The following RPH3AL variants were observed in gnomAD, a reference collection of about 807,000 sequenced individuals.
The protein encoded by RPH3AL is rabphilin 3A like (without C2 domains), also known as rab effector Noc2.
RPH3AL carries 38 observed loss-of-function variants against 43.1 expected under a neutral mutation model. That is an observed-to-expected ratio of 0.88 (90% CI 0.68 to 1.15). RPH3AL has a LOEUF of 1.15. Among genes scored for constraint, RPH3AL ranks in the 50% most tolerant of loss-of-function variants. The probability of loss-of-function intolerance (pLI) is 0.00; values close to 1 mark genes in which losing one functional copy is unlikely to be tolerated. For missense variants in RPH3AL, 462 were observed against 423.2 expected, an observed-to-expected ratio of 1.09 and a Z score of -0.81; for synonymous variants, 189 against 176.3, an observed-to-expected ratio of 1.07 and a Z score of -0.57.
chr17:313,437 C>T (rs1369381784), intron 5 of RPH3AL, among the ~76,000 whole-genome samples: 1 of 152,214 alleles, frequency 6.6e-6, no homozygotes, highest in Non-Finnish European at 1.5e-5. Context: ...GCCCCTTGAA[C>T]ATGCCCAGCT....
chr17:316,896 C>G (rs1403959929), intron 5 of RPH3AL, among the ~76,000 whole-genome samples: 1 of 149,538 alleles, frequency 6.7e-6, no homozygotes, highest in East Asian at 2.0e-4. Context: ...ACCTGTAGTC[C>G]CTGTGCTCCA....
intron 5 of RPH3AL, among the ~76,000 whole-genome samples, chr17:303,206 AC>A (rs2043374090): frequency 6.6e-6 from 1 of 152,146 alleles, no homozygotes; most frequent in South Asian, 2.1e-4. Flanking sequence ...AGCCTGGGCA[AC>A]ATAACAAGGC....
At chr17:279,081 A>G (rs2042722818) in intron 6 of RPH3AL, among the ~76,000 whole-genome samples, 1 of 152,226 alleles carries the variant, frequency 6.6e-6, no homozygotes, top group East Asian at 1.9e-4. Flanking sequence ...GCGGGGAGAC[A>G]TAACTCCAAA....
intron 5 of RPH3AL, among the ~76,000 whole-genome samples, chr17:292,973 G>C (rs1050029196): frequency 2.0e-5 from 3 of 152,190 alleles, no homozygotes; most frequent in African/African-American, 7.2e-5. Context: ...ATTTCAGGAG[G>C]AAGGCAAGTC....
chr17:311,732 G>T (rs990194537), intron 5 of RPH3AL, among the ~76,000 whole-genome samples: 36 of 152,196 alleles, frequency 2.4e-4, no homozygotes, highest in Non-Finnish European at 3.5e-4. Flanking sequence ...GCCGGCTCAG[G>T]ACATCCAGTG....
At chr17:272,516 A>G (rs1381777537) in intron 6 of RPH3AL, among the ~76,000 whole-genome samples, 1 of 148,762 alleles carries the variant, frequency 6.7e-6, no homozygotes, top group African/African-American at 2.5e-5. Flanking sequence ...CAGAAAACCA[A>G]ACACCGCATG....
intron 5 of RPH3AL, among the ~76,000 whole-genome samples, chr17:284,300 T>C: frequency 6.6e-6 from 1 of 152,096 alleles, no homozygotes; most frequent in East Asian, 1.9e-4. Flanking sequence ...CTGCCCGAGG[T>C]CACACAGCTC....
intron 1 of RPH3AL, among the ~76,000 whole-genome samples, chr17:336,893 G>A (rs2044971964): frequency 6.6e-6 from 1 of 152,056 alleles, no homozygotes; most frequent in South Asian, 2.1e-4. Flanking sequence ...ACCTGGGGGT[G>A]GCCCAGCACC....
intron 5 of RPH3AL, among the ~76,000 whole-genome samples, chr17:302,298 C>T (rs762627710): frequency 3.9e-5 from 6 of 152,330 alleles, no homozygotes; most frequent in Middle Eastern, 3.4e-3. Flanking sequence ...TCTGAGGTCA[C>T]GCAGGAGGTT....
intron 6 of RPH3AL, among the ~76,000 whole-genome samples, chr17:258,361 C>G (rs1046797112): frequency 1.3e-5 from 2 of 152,184 alleles, no homozygotes; most frequent in Non-Finnish European, 2.9e-5. Context: ...TGCAACGTGT[C>G]TCAACCTACA....
chr17:303,119 G>A lies in RPH3AL; in HGVS notation c.351+16301C>T, dbSNP rs149136157. ...TAAGAACTAACAACGTAACTGTATC[G>A]TTAAGGTTGGCGGCTCATGCCTGCA... On this transcript the variant is annotated intron_variant, in intron 5 of 9. Coordinates refer to ENST00000331302, the MANE Select transcript of RPH3AL (RefSeq NM_006987.4). Among the ~76,000 whole-genome samples the A allele has an allele frequency of 7.7e-4, 118 of 152,338 alleles. 1 individual carries two copies. Among genetic ancestry groups the A allele is most frequent in the African/African-American group, 2.5e-3 (105 of 41,586 alleles).
In RPH3AL at chr17:345,899, G is replaced by T. The variant is rs2045230360; in HGVS notation, c.-213+6813C>A. On this transcript the variant is annotated intron_variant, in intron 1 of 9. Coordinates refer to ENST00000331302, the MANE Select transcript of RPH3AL (RefSeq NM_006987.4). Reference sequence around the variant, plus strand: ...TGCACACACACCCCGACTTTGCACTGTAAGGACAAATGGGATGCCAGTGGG... The same window carrying T: ...TGCACACACACCCCGACTTTGCACTTTAAGGACAAATGGGATGCCAGTGGG... Among the ~76,000 whole-genome samples, 2 of 135,344 alleles carry T rather than the reference G, an allele frequency of 1.5e-5. 1 individual carries two copies. Among genetic ancestry groups the T allele is most frequent in the African/African-American group, 5.1e-5 (2 of 39,512 alleles). The allele number at this position is 135,344 out of a possible 152,430, so 88.8% of individuals were successfully genotyped here. A position where few individuals can be genotyped will look rare whatever the true frequency, so the allele number is the denominator to read the frequency against.
At chr17:312,651 T>G (rs1443616514) in intron 5 of RPH3AL, among the ~76,000 whole-genome samples, 4 of 152,230 alleles carry the variant, frequency 2.6e-5, no homozygotes, top group Non-Finnish European at 5.9e-5. Context: ...AGGCATCCTT[T>G]ACTGCACGCT....
At chr17:237,746 A>G (rs2041432997) in intron 7 of RPH3AL, among the ~76,000 whole-genome samples, 1 of 152,216 alleles carries the variant, frequency 6.6e-6, no homozygotes, top group Non-Finnish European at 1.5e-5. Context: ...TCCACATGGT[A>G]AAACTTCATG....
At chr17:286,663 G>A (rs2042920704) in intron 5 of RPH3AL, among the ~76,000 whole-genome samples, 2 of 152,168 alleles carry the variant, frequency 1.3e-5, no homozygotes, top group African/African-American at 4.8e-5. Context: ...ACATCACCTT[G>A]GTGCAAACAC....
At chr17:347,182 CG>C (rs1186530567) in intron 1 of RPH3AL, among the ~76,000 whole-genome samples, 2 of 90,040 alleles carry the variant, frequency 2.2e-5, no homozygotes, top group Non-Finnish European at 5.7e-5. Context: ...GGCGTGAACC[CG>C]GGAGGCAGAG....
chr17:302,666 C>T (rs748124780), intron 5 of RPH3AL, among the ~76,000 whole-genome samples: 106 of 152,200 alleles, frequency 7.0e-4, no homozygotes, highest in Non-Finnish European at 1.3e-3. Flanking sequence ...CCACACTCAC[C>T]CCAGGCCTGC....
At chr17:307,307 TCCTCCCCACGGC>T (rs2043522480) in intron 5 of RPH3AL, among the ~76,000 whole-genome samples, 20 of 2,894 alleles carry the variant, frequency 6.9e-3, no homozygotes, top group East Asian at 0.031. Flanking sequence ...CCACGGCAGG[TCCTCCCCACGGC>T]AGGTCCTCCC....
rs2040778456 is a variant in RPH3AL, at chr17:215,626, G to A, written c.876+28C>T. 7.9e-7 allele frequency: 1 copy of A among 1,262,646 alleles called. No individual in the cohort carries two copies. The highest frequency in any genetic ancestry group is 1.5e-5 in the African/African-American group (1 of 64,666). 78.2% of individuals were successfully genotyped at this position (1,262,646 alleles called of 1,614,324 possible). A position where few individuals can be genotyped will look rare whatever the true frequency, so the allele number is the denominator to read the frequency against. ...AGGACACGGCCGCGGGGGCAGGAGA[G>A]GGGAGAAGGCAGCAGTTGGGTACTC... is the stretch of plus-strand genomic sequence containing the variant. On this transcript the variant is annotated intron_variant, in intron 9 of 9. Coordinates refer to ENST00000331302, the MANE Select transcript of RPH3AL (RefSeq NM_006987.4). This position sits in a 1 kb window ranked among gnomAD's most constrained non-coding sequence, Gnocchi z 4.1.
Sources: gnomAD v4.1 joint callset for allele counts (sites outside exome capture counted in the v4.1 genomes callset) on GRCh38, gnomAD v4.1.1 for gene constraint, Gnocchi (gnomAD v3.1) non-coding constraint, MANE v1.5 for transcripts, NCBI Gene and HGNC (gene_info 2026-07-23, HGNC 2026-07-21) for gene names.